ARNT2: variants seen among roughly 807,000 people sequenced by gnomAD.
The protein encoded by ARNT2 is ARNT protein 2.
A neutral mutation model predicts 91.7 loss-of-function variants in ARNT2; 36 were observed. The observed-to-expected ratio is 0.39, with a 90% CI of 0.30 to 0.52. The LOEUF (loss-of-function observed/expected upper bound fraction) is 0.52, where lower values mean the gene tolerates loss of function less well. ARNT2 is among the 20% of genes least tolerant of loss of function. The pLI, the probability that ARNT2 is intolerant of heterozygous loss-of-function variation, is 0.72. For synonymous variants in ARNT2, 365 were observed against 347.1 expected, an observed-to-expected ratio of 1.05 and a Z score of -0.57; for missense variants, 775 against 939.3, an observed-to-expected ratio of 0.83 and a Z score of 2.29.
In ARNT2 at chr15:80,596,341, C is replaced by G. The variant is rs1003027614; in HGVS notation, c.*2643C>G. ...CATAGGCGGGAAATCTGAGTAGAGT[C>G]TGACTGCAGTTTTTGCTTATGATTT... On this transcript the variant is annotated 3_prime_UTR_variant, in exon 19 of 19. Coordinates refer to ENST00000303329, the MANE Select transcript of ARNT2 (RefSeq NM_014862.4). 4.6e-5 allele frequency: 7 copies of G among 152,304 alleles called. No homozygotes were observed. The highest frequency in any genetic ancestry group is 1.7e-4 in the African/African-American group (7 of 41,540). 9.4% of individuals were successfully genotyped at this position (152,304 alleles called of 1,614,324 possible). A position where few individuals can be genotyped will look rare whatever the true frequency, so the allele number is the denominator to read the frequency against.
At chr15:80,580,594 C>CTCT (rs1898776652) in intron 16 of ARNT2, 45 bp downstream of exon 16, 1 of 1,611,536 alleles carries the variant, frequency 6.2e-7, no homozygotes, top group Non-Finnish European at 8.5e-7. Flanking sequence ...ACCAGAGAGG[C>CTCT]AGAGCACTCT....
In ARNT2 at chr15:80,590,163, T is replaced by C. The variant is rs1381665606; in HGVS notation, c.1919-1405T>C. 2.0e-5 allele frequency among the ~76,000 whole-genome samples: 3 copies of C among 152,124 alleles called. No homozygotes were observed. In the East Asian group the frequency reaches 5.8e-4, roughly 29 times the overall value. On this transcript the variant is annotated intron_variant, in intron 17 of 18. Coordinates refer to ENST00000303329, the MANE Select transcript of ARNT2 (RefSeq NM_014862.4). The stretch of plus-strand genomic sequence containing the variant: ...CCCAGGCTGGGGGTTGGGTGGGGCC[T>C]GAGGCTTCCCCGTGGCCAGCATGAT...
rs1437309115 is a variant in ARNT2, at chr15:80,596,451, G to A, written c.*2753G>A. The stretch of plus-strand genomic sequence containing the variant: ...ACTGGGAGAATCGCACATGCCCCAG[G>A]GGTTTTCACCAAGGATTTTCAAGAC... On this transcript the variant is annotated 3_prime_UTR_variant, in exon 19 of 19. Coordinates refer to ENST00000303329, the MANE Select transcript of ARNT2 (RefSeq NM_014862.4). The A allele has an allele frequency of 6.6e-6, 1 of 152,142 alleles. No homozygotes were observed. Among genetic ancestry groups the A allele is most frequent in the Non-Finnish European group, 1.5e-5 (1 of 68,070 alleles). The allele number at this position is 152,142 out of a possible 1,614,324, so 9.4% of individuals were successfully genotyped here.
At chr15:80,440,550 A>G (rs943207035) in intron 1 of ARNT2, among the ~76,000 whole-genome samples, 2 of 152,230 alleles carry the variant, frequency 1.3e-5, no homozygotes, top group Non-Finnish European at 2.9e-5. Context: ...GCTGTAGTGC[A>G]GTGCCCCTGT....
rs184651927 is a variant in ARNT2, at chr15:80,427,091, A to G, written c.31+22545A>G. 3.9e-5 allele frequency among the ~76,000 whole-genome samples: 6 copies of G among 152,330 alleles called. No individual in the cohort carries two copies. In the East Asian group the frequency reaches 7.7e-4, roughly 20 times the overall value. On this transcript the variant is annotated intron_variant, in intron 1 of 18. Coordinates refer to ENST00000303329, the MANE Select transcript of ARNT2 (RefSeq NM_014862.4). ...TATGAATTTTGGGTGGACACGATTC[A>G]GTCCCTACCACCAGCTCAAAATTCT... is the stretch of plus-strand genomic sequence containing the variant.
chr15:80,528,623 C>A (rs183346175), intron 8 of ARNT2, among the ~76,000 whole-genome samples: 4 of 152,186 alleles, frequency 2.6e-5, no homozygotes, highest in East Asian at 3.9e-4. Flanking sequence ...TATATTAATA[C>A]CCTCCCTGGT....
chr15:80,480,436 C>A (rs1344955659), intron 5 of ARNT2, among the ~76,000 whole-genome samples: 2 of 152,140 alleles, frequency 1.3e-5, no homozygotes, highest in South Asian at 2.1e-4. Flanking sequence ...CTCTGGAGAA[C>A]CTTGATCCTG....
At chr15:80,587,399 G>T (rs189863955) in intron 17 of ARNT2, among the ~76,000 whole-genome samples, 35 of 151,984 alleles carry the variant, frequency 2.3e-4, no homozygotes, top group African/African-American at 7.5e-4. Context: ...TGTCCCCCTT[G>T]GTTTGGTGGG....
At chr15:80,491,416 G>A (rs779712236) in intron 5 of ARNT2, among the ~76,000 whole-genome samples, 5 of 152,216 alleles carry the variant, frequency 3.3e-5, no homozygotes, top group East Asian at 1.9e-4. Flanking sequence ...AGAACAGCAC[G>A]TGAAAGACCT....
intron 1 of ARNT2, among the ~76,000 whole-genome samples, chr15:80,407,711 G>T (rs1022412455): frequency 6.7e-6 from 1 of 149,540 alleles, no homozygotes; most frequent in Non-Finnish European, 1.5e-5. Context: ...TTGTGTGTCT[G>T]TGTGTGTGTG....
At chr15:80,504,415 G>A (rs1002840097) in intron 5 of ARNT2, among the ~76,000 whole-genome samples, 14 of 152,116 alleles carry the variant, frequency 9.2e-5, no homozygotes, top group Non-Finnish European at 1.6e-4. Flanking sequence ...CATATTGTCC[G>A]GGCTAAATGA....
rs566201378 is a variant in ARNT2, at chr15:80,423,998, A to G, written c.31+19452A>G. On this transcript the variant is annotated intron_variant, in intron 1 of 18. Coordinates refer to ENST00000303329, the MANE Select transcript of ARNT2 (RefSeq NM_014862.4). ...TCCTCGTGGTCCCTTAGCTTTCCCC[A>G]CCTTGTGTTGGTTTTATTCTCAGGC... 3.3e-5 allele frequency among the ~76,000 whole-genome samples: 5 copies of G among 152,202 alleles called. No individual in the cohort carries two copies. The East Asian group carries it at 7.7e-4, about 23-fold the overall frequency.
At chr15:80,461,678 C>T (rs1420613481) in intron 3 of ARNT2, among the ~76,000 whole-genome samples, 1 of 151,852 alleles carries the variant, frequency 6.6e-6, no homozygotes, top group Non-Finnish European at 1.5e-5. Context: ...GGGGCAGGGG[C>T]TGGCTGGCTG....
intron 1 of ARNT2, among the ~76,000 whole-genome samples, chr15:80,427,282 A>G (rs1439497819): frequency 6.6e-6 from 1 of 152,176 alleles, no homozygotes; most frequent in African/African-American, 2.4e-5. Flanking sequence ...ACTTATGCAC[A>G]GGAGTTTTGT....
At chr15:80,510,138 A>T (rs1159741998) in intron 6 of ARNT2, among the ~76,000 whole-genome samples, 1 of 152,176 alleles carries the variant, frequency 6.6e-6, no homozygotes, top group Non-Finnish European at 1.5e-5. Flanking sequence ...TTTTGAGTGT[A>T]TTTCACAGAC....
chr15:80,485,929 C>T (rs1165211164), intron 5 of ARNT2, among the ~76,000 whole-genome samples: 2 of 152,184 alleles, frequency 1.3e-5, no homozygotes, highest in Non-Finnish European at 2.9e-5. Context: ...TAGTACATTA[C>T]TACAAACTGG....
chr15:80,453,548 G>C (rs760446958), intron 2 of ARNT2, among the ~76,000 whole-genome samples: 3 of 152,206 alleles, frequency 2.0e-5, no homozygotes, highest in Non-Finnish European at 4.4e-5. Flanking sequence ...GGCCTCCGCT[G>C]TTCTAGAAGC....
intron 12 of ARNT2, among the ~76,000 whole-genome samples, chr15:80,571,083 T>G (rs1024374036): frequency 6.7e-4 from 102 of 152,156 alleles, no homozygotes; most frequent in Non-Finnish European, 9.4e-4. Context: ...CCAACTTATT[T>G]TGTGTTTCTC....
intron 5 of ARNT2, among the ~76,000 whole-genome samples, chr15:80,486,268 C>A (rs1007474395): frequency 2.0e-5 from 3 of 152,192 alleles, no homozygotes; most frequent in Non-Finnish European, 2.9e-5. Context: ...CAAAGACTTT[C>A]TTTCCAAATA....
Sources: gnomAD v4.1 joint callset for allele counts (sites outside exome capture counted in the v4.1 genomes callset) on GRCh38, gnomAD v4.1.1 for gene constraint, MANE v1.5 for transcripts, NCBI Gene and HGNC (gene_info 2026-07-23, HGNC 2026-07-21) for gene names.